Variants in TCF4 observed in about 807,000 individuals in gnomAD.
TCF4 encodes the protein transcription factor 4, also known as SL3-3 enhancer factor 2.
A neutral mutation model predicts 82.1 loss-of-function variants in TCF4; 3 were observed. The observed-to-expected ratio is 0.04, with a 90% CI of 0.02 to 0.09. The LOEUF is 0.09. Among genes scored for constraint, TCF4 ranks in the 10% least tolerant of loss-of-function variants. The probability of loss-of-function intolerance (pLI) is 1.00; values close to 1 mark genes in which losing one functional copy is unlikely to be tolerated. For missense variants in TCF4, 518 were observed against 852.7 expected (o/e 0.61, Z 4.89); for synonymous variants, 276 against 309.6 (o/e 0.89, Z 1.14).
chr18:55,474,684 T>A (rs1454492622), intron 3 of TCF4, among the ~76,000 whole-genome samples: 1 of 152,192 alleles, frequency 6.6e-6, no homozygotes, highest in Non-Finnish European at 1.5e-5. Flanking sequence ...CAAGAAAAGA[T>A]CAAGGGTTGA....
chr18:55,621,041 C>T (rs1048672690), intron 2 of TCF4, among the ~76,000 whole-genome samples: 1 of 151,914 alleles, frequency 6.6e-6, no homozygotes, highest in Non-Finnish European at 1.5e-5. Context: ...ACCAGAAATC[C>T]TTATAAAAAT....
intron 19 of TCF4, 74 bp downstream of exon 19, chr18:55,228,147 A>G (rs1348793402): frequency 3.8e-6 from 6 of 1,589,770 alleles, no homozygotes. Context: ...TTTGGGTGAA[A>G]TTCACTTTTA....
chr18:55,379,745 C>T (rs1432037731), intron 6 of TCF4, among the ~76,000 whole-genome samples: 2 of 152,160 alleles, frequency 1.3e-5, no homozygotes, highest in Admixed American at 6.5e-5. Flanking sequence ...ATGTCTAAGT[C>T]AATTTAGCTG....
intron 2 of TCF4, among the ~76,000 whole-genome samples, chr18:55,603,556 T>G (rs1223345649): frequency 6.6e-6 from 1 of 152,202 alleles, no homozygotes; most frequent in African/African-American, 2.4e-5. Flanking sequence ...AATGTATTTC[T>G]GTGCATACTT....
chr18:55,430,733 C>T (rs542523869), intron 5 of TCF4, among the ~76,000 whole-genome samples: 22 of 152,122 alleles, frequency 1.4e-4, no homozygotes, highest in African/African-American at 4.6e-4. Flanking sequence ...AAAGACAAAA[C>T]GAACAGGGCT....
At chr18:55,293,985 C>CATTGTGGT (rs901550771) in intron 8 of TCF4, among the ~76,000 whole-genome samples, 8 of 97,742 alleles carry the variant, frequency 8.2e-5, no homozygotes, top group African/African-American at 2.9e-4. Context: ...CTTGGCCAGG[C>CATTGTGGT]ATTGTGGTTC....
chr18:55,521,820 T>C (rs1003674969), intron 3 of TCF4, among the ~76,000 whole-genome samples: 4 of 151,696 alleles, frequency 2.6e-5, no homozygotes, highest in African/African-American at 9.7e-5. Context: ...TTAAAGGGAG[T>C]TTTTAGAAAG....
chr18:55,281,186 T>C (rs1331227087), intron 8 of TCF4, among the ~76,000 whole-genome samples: 1 of 152,298 alleles, frequency 6.6e-6, no homozygotes, highest in Admixed American at 6.5e-5. Context: ...AAAAAAACTT[T>C]TTTGAGTATT....
At chr18:55,389,663 G>A (rs953276014) in intron 6 of TCF4, among the ~76,000 whole-genome samples, 27 of 152,120 alleles carry the variant, frequency 1.8e-4, no homozygotes, top group Non-Finnish European at 2.8e-4. Flanking sequence ...TGGTGAGTAC[G>A]AAGGCTGAGG....
chr18:55,611,088 G>C (rs975705596), intron 2 of TCF4, among the ~76,000 whole-genome samples: 2 of 152,132 alleles, frequency 1.3e-5, no homozygotes, highest in Non-Finnish European at 2.9e-5. Context: ...GCAAGGCTTT[G>C]GGGAGATTGA....
At chr18:55,275,489 C>T in intron 10 of TCF4, 130 bp downstream of exon 10, 1 of 1,204,722 alleles carries the variant, frequency 8.3e-7, no homozygotes, top group Non-Finnish European at 1.2e-6. Flanking sequence ...AACAATACAA[C>T]TTAAGAATAA....
chr18:55,614,892 C>G (rs547371992), intron 2 of TCF4, among the ~76,000 whole-genome samples: 1 of 152,288 alleles, frequency 6.6e-6, no homozygotes, highest in Admixed American at 6.5e-5. Context: ...CCACTTAAGT[C>G]TGTGACCCAT....
intron 5 of TCF4, among the ~76,000 whole-genome samples, chr18:55,429,752 A>G (rs928430246): frequency 1.4e-4 from 17 of 123,520 alleles, no homozygotes; most frequent in Non-Finnish European, 2.4e-4. Flanking sequence ...GGGACAGAGC[A>G]AGACTCCATC....
chr18:55,298,614 A>C (rs563663070), intron 8 of TCF4, among the ~76,000 whole-genome samples: 5 of 152,344 alleles, frequency 3.3e-5, no homozygotes, highest in African/African-American at 1.2e-4. Flanking sequence ...AAGCTATCAC[A>C]CTGAATGATG....
rs762209412 is a variant in TCF4, at chr18:55,279,617, C to T, written c.589G>A (p.Asp197Asn). The change falls in exon 9 of 20, where the codon GAC (aspartate) becomes AAC (asparagine). Residue 197 changes from aspartate to asparagine, a missense_variant. Physicochemically the swap from Asp to Asn is conservative, Grantham distance 23. Coordinates refer to ENST00000354452, the MANE Select transcript of TCF4 (RefSeq NM_001083962.2). ...TTGGAGGAAGGATAGCCTGGCGAGT[C>T]CCTATTGTAGTCGGCAGTGCTTGCT... is the stretch of plus-strand genomic sequence containing the variant. ...PSASTADYNR[D>N]SPGYPSSKPA... The T allele has an allele frequency of 1.2e-6, 2 of 1,613,956 alleles. No individual in the cohort carries two copies. The highest frequency in any genetic ancestry group is 1.7e-4 in the Middle Eastern group (1 of 6,060).
In TCF4 at chr18:55,393,422, A is replaced by G. The variant is rs2093300048; in HGVS notation, c.369+10032T>C. Among the ~76,000 whole-genome samples the G allele has an allele frequency of 2.0e-5, 3 of 152,180 alleles. No individual in the cohort carries two copies. The South Asian group carries it at 6.2e-4, about 32-fold the overall frequency. On this transcript the variant is annotated intron_variant, in intron 6 of 19. Coordinates refer to ENST00000354452, the MANE Select transcript of TCF4 (RefSeq NM_001083962.2). The stretch of plus-strand genomic sequence containing the variant: ...TAATCCAATAGGAATTCATCTGCAT[A>G]TGCTTTGTATGGCCTACTAACTCAT...
chr18:55,244,960 T>C (rs150776027), intron 15 of TCF4, among the ~76,000 whole-genome samples: 7 of 152,356 alleles, frequency 4.6e-5, no homozygotes, highest in African/African-American at 7.2e-5. Context: ...AATGTGGCTA[T>C]TGTATCAGGA....
At chr18:55,298,765 T>A (rs1451124739) in intron 8 of TCF4, among the ~76,000 whole-genome samples, 1 of 152,162 alleles carries the variant, frequency 6.6e-6, no homozygotes, top group Non-Finnish European at 1.5e-5. Flanking sequence ...TCCCATTGTA[T>A]GAAGATTATG....
chr18:55,294,149 AC>A (rs2065877635), intron 8 of TCF4, among the ~76,000 whole-genome samples: 1 of 151,008 alleles, frequency 6.6e-6, no homozygotes, highest in South Asian at 2.1e-4. Context: ...AATCCCAGCT[AC>A]TTGGGGGGCT....
Sources: allele counts gnomAD v4.1 joint callset (sites outside exome capture counted in the v4.1 genomes callset), GRCh38; gene constraint gnomAD v4.1.1; transcripts MANE v1.5; gene names NCBI Gene and HGNC (gene_info 2026-07-23, HGNC 2026-07-21).